Variants in NRXN1 observed in about 807,000 individuals in gnomAD.
NRXN1 encodes neurexin 1, also known as neurexin-1.
Under a neutral mutation model 150.9 loss-of-function variants are expected in NRXN1, and 39 were observed. The observed-to-expected ratio is 0.26, with a 90% CI of 0.20 to 0.34. The LOEUF is 0.34. Ranked by LOEUF, NRXN1 falls within the 10% of genes least tolerant of loss-of-function variation. The pLI, the probability that NRXN1 is intolerant of heterozygous loss-of-function variation, is 1.00. For synonymous variants in NRXN1, 924 were observed against 757.0 expected (o/e 1.22, Z -3.62); for missense variants, 1,815 against 1,949.9 (o/e 0.93, Z 1.30).
At chr2:50,638,078 C>T (rs1313152009) in intron 5 of NRXN1, among the ~76,000 whole-genome samples, 1 of 151,824 alleles carries the variant, frequency 6.6e-6, no homozygotes, top group Non-Finnish European at 1.5e-5. Context: ...GAGGGAGATC[C>T]ATAACATTTA....
intron 5 of NRXN1, among the ~76,000 whole-genome samples, chr2:50,814,755 G>A (rs1668690240): frequency 6.6e-6 from 1 of 152,108 alleles, no homozygotes; most frequent in Admixed American, 6.6e-5. Flanking sequence ...AAAGGTATTT[G>A]ATACATTTTA....
rs141515601 is a variant in NRXN1, at chr2:50,225,380, G to A, written c.3546+11409C>T. Among the ~76,000 whole-genome samples the A allele has an allele frequency of 6.9e-3, 1,043 of 151,932 alleles. 13 individuals carry two copies. The highest frequency in any genetic ancestry group is 0.024 in the African/African-American group (997 of 41,454). ...GCACCATGCTAGAGTATGAAAATAC[G>A]GACATGTAAAGATACATAGTATTAT... On this transcript the variant is annotated intron_variant, in intron 18 of 22. Coordinates refer to ENST00000401669, the MANE Select transcript of NRXN1 (RefSeq NM_001330078.2).
At chr2:50,655,189 GA>G (rs570502365) in intron 5 of NRXN1, among the ~76,000 whole-genome samples, 17 of 145,844 alleles carry the variant, frequency 1.2e-4, no homozygotes, top group South Asian at 4.4e-4. Flanking sequence ...AGCAAGCATG[GA>G]AAAAAAAAAG....
At chr2:50,850,301 C>T (rs551278231) in intron 5 of NRXN1, among the ~76,000 whole-genome samples, 75 of 151,514 alleles carry the variant, frequency 5.0e-4, no homozygotes, top group African/African-American at 1.7e-3. Context: ...CATATTTGGA[C>T]CTCCCTTCTC....
chr2:50,114,858 G>T (rs1307879959), intron 18 of NRXN1, among the ~76,000 whole-genome samples: 5 of 151,948 alleles, frequency 3.3e-5, no homozygotes, highest in African/African-American at 1.2e-4. Flanking sequence ...AGGATCTAGT[G>T]GGGAGAGAGG....
At chr2:50,086,228 A>C (rs985300529) in intron 19 of NRXN1, among the ~76,000 whole-genome samples, 3 of 152,194 alleles carry the variant, frequency 2.0e-5, no homozygotes, top group African/African-American at 7.2e-5. Context: ...GCAATCTCTA[A>C]ATAATAGAGT....
intron 9 of NRXN1, among the ~76,000 whole-genome samples, chr2:50,549,242 G>T (rs948753682): frequency 2.0e-5 from 3 of 151,964 alleles, no homozygotes; most frequent in Admixed American, 6.6e-5. Context: ...TTTTTAAAAG[G>T]CTACTCCATA....
chr2:50,792,293 C>A (rs1255793315), intron 5 of NRXN1, among the ~76,000 whole-genome samples: 1 of 151,996 alleles, frequency 6.6e-6, no homozygotes. Flanking sequence ...AAAGAAAATA[C>A]AGACTATATT....
chr2:51,030,482 A>G (rs1247695552), intron 1 of NRXN1, among the ~76,000 whole-genome samples: 1 of 151,442 alleles, frequency 6.6e-6, no homozygotes, highest in Non-Finnish European at 1.5e-5. Flanking sequence ...AAGCTAGGGT[A>G]TCCCACTTCA....
At chr2:50,266,376 C>T (rs1372622400) in intron 17 of NRXN1, among the ~76,000 whole-genome samples, 5 of 148,304 alleles carry the variant, frequency 3.4e-5, no homozygotes, top group Non-Finnish European at 4.5e-5. Flanking sequence ...TTCAACATAA[C>T]TAAATATATA....
chr2:50,653,045 A>G (rs1002778239), intron 5 of NRXN1, among the ~76,000 whole-genome samples: 1 of 151,812 alleles, frequency 6.6e-6, no homozygotes, highest in African/African-American at 2.4e-5. Flanking sequence ...CTGTATACCT[A>G]TTTCCTGATC....
chr2:50,498,692 A>G (rs890625196), intron 13 of NRXN1, among the ~76,000 whole-genome samples: 1 of 152,248 alleles, frequency 6.6e-6, no homozygotes. Flanking sequence ...ATAAATAAGC[A>G]AAGATGTGAA....
intron 21 of NRXN1, among the ~76,000 whole-genome samples, chr2:49,984,800 C>T (rs953719175): frequency 2.0e-5 from 3 of 151,896 alleles, no homozygotes; most frequent in African/African-American, 7.3e-5. Flanking sequence ...AGTAAGCATT[C>T]TGAAAGTTCA....
At chr2:50,459,718 G>A (rs1396194565) in intron 17 of NRXN1, among the ~76,000 whole-genome samples, 1 of 152,026 alleles carries the variant, frequency 6.6e-6, no homozygotes, top group Non-Finnish European at 1.5e-5. Context: ...GTCATACTAA[G>A]CCATTTATTA....
chr2:50,164,484 G>A (rs1268210097), intron 18 of NRXN1, among the ~76,000 whole-genome samples: 1 of 152,150 alleles, frequency 6.6e-6, no homozygotes, highest in African/African-American at 2.4e-5. Context: ...CATAATCCTT[G>A]ATAGTCATTT....
chr2:50,513,457 G>T (rs1311432888), intron 12 of NRXN1, among the ~76,000 whole-genome samples: 1 of 152,108 alleles, frequency 6.6e-6, no homozygotes, highest in Non-Finnish European at 1.5e-5. Context: ...CACAGTATTT[G>T]TGTTTGGTTA....
At chr2:50,952,910 TAGA>T (rs1018129465) in intron 2 of NRXN1, among the ~76,000 whole-genome samples, 6 of 152,354 alleles carry the variant, frequency 3.9e-5, no homozygotes, top group South Asian at 4.1e-4. Flanking sequence ...CTCAAGCTGC[TAGA>T]AGAAGTGAAT....
intron 18 of NRXN1, among the ~76,000 whole-genome samples, chr2:50,203,379 T>C (rs1434362388): frequency 6.6e-6 from 1 of 152,214 alleles, no homozygotes; most frequent in Non-Finnish European, 1.5e-5. Context: ...TTCTTGAATG[T>C]GTTTCTGTTA....
At chr2:49,934,786 T>C (rs993072697) in intron 22 of NRXN1, among the ~76,000 whole-genome samples, 8 of 151,518 alleles carry the variant, frequency 5.3e-5, no homozygotes, top group African/African-American at 1.9e-4. Flanking sequence ...ACTCTCCCTT[T>C]CTCTCTCTCT....
Sources: gnomAD v4.1 joint callset for allele counts (sites outside exome capture counted in the v4.1 genomes callset) on GRCh38, gnomAD v4.1.1 for gene constraint, MANE v1.5 for transcripts, NCBI Gene and HGNC (gene_info 2026-07-23, HGNC 2026-07-21) for gene names.